The following ASIC2 variants were observed in gnomAD, a reference collection of about 807,000 sequenced individuals.
ASIC2 encodes the protein acid sensing ion channel subunit 2, also known as acid-sensing ion channel 2.
ASIC2 carries 25 observed loss-of-function variants against 57.3 expected under a neutral mutation model. That is an observed-to-expected ratio of 0.44 (90% CI 0.32 to 0.61). ASIC2 has a LOEUF of 0.61. Among genes scored for constraint, ASIC2 ranks in the 20% least tolerant of loss-of-function variants. ASIC2 has a pLI of 0.06. For synonymous variants in ASIC2, 319 were observed against 307.5 expected, an observed-to-expected ratio of 1.04 and a Z score of -0.39; for missense variants, 641 against 738.1, an observed-to-expected ratio of 0.87 and a Z score of 1.52.
At chr17:34,099,522 AAG>A (rs779241676) in intron 1 of ASIC2, among the ~76,000 whole-genome samples, 18 of 140,560 alleles carry the variant, frequency 1.3e-4, no homozygotes, top group Non-Finnish European at 2.1e-4. Flanking sequence ...GAGAAAGAAA[AAG>A]AAAGAAAGAA....
intron 1 of ASIC2, among the ~76,000 whole-genome samples, chr17:34,091,764 T>C (rs1910339129): frequency 6.6e-6 from 1 of 152,242 alleles, no homozygotes; most frequent in South Asian, 2.1e-4. Context: ...ATTGAGAGCT[T>C]GTCAGTTGAC....
intron 1 of ASIC2, among the ~76,000 whole-genome samples, chr17:34,109,795 G>A (rs1911201387): frequency 1.3e-5 from 2 of 152,078 alleles, no homozygotes; most frequent in African/African-American, 4.8e-5. Context: ...AAAATTTGGA[G>A]GCATGATTTT....
intron 3 of ASIC2, among the ~76,000 whole-genome samples, chr17:33,077,875 A>G (rs1056839024): frequency 1.3e-5 from 2 of 152,184 alleles, no homozygotes; most frequent in Non-Finnish European, 2.9e-5. Flanking sequence ...ATTATAGTTG[A>G]TATTTCTAAA....
chr17:33,413,977 G>A (rs569441073), intron 1 of ASIC2, among the ~76,000 whole-genome samples: 1 of 152,180 alleles, frequency 6.6e-6, no homozygotes, highest in South Asian at 2.1e-4. Context: ...GGGGAAGGCA[G>A]GCAAGTTGCC....
chr17:33,029,760 A>G (rs1471716611), intron 3 of ASIC2, among the ~76,000 whole-genome samples: 1 of 152,216 alleles, frequency 6.6e-6, no homozygotes, highest in Non-Finnish European at 1.5e-5. Flanking sequence ...GTAGTGTCTG[A>G]GAATTCTCAT....
chr17:33,244,024 C>A (rs910652156), intron 1 of ASIC2, among the ~76,000 whole-genome samples: 1 of 152,150 alleles, frequency 6.6e-6, no homozygotes, highest in Non-Finnish European at 1.5e-5. Context: ...TCCCCCAGCC[C>A]GCTTCTATAT....
At chr17:33,727,080 A>C (rs1433110985) in intron 1 of ASIC2, among the ~76,000 whole-genome samples, 1 of 152,186 alleles carries the variant, frequency 6.6e-6, no homozygotes. Context: ...TGAATACCAA[A>C]ACCAACTACA....
chr17:33,368,739 G>A (rs1908924014), intron 1 of ASIC2, among the ~76,000 whole-genome samples: 1 of 151,902 alleles, frequency 6.6e-6, no homozygotes, highest in Non-Finnish European at 1.5e-5. Flanking sequence ...TGCTTCTTTG[G>A]CCACCATCTT....
At chr17:33,779,822 C>T (rs1158951884) in intron 1 of ASIC2, among the ~76,000 whole-genome samples, 1 of 152,076 alleles carries the variant, frequency 6.6e-6, no homozygotes, top group African/African-American at 2.4e-5. Flanking sequence ...ATTTAATCTT[C>T]GCACAACCCT....
intron 1 of ASIC2, among the ~76,000 whole-genome samples, chr17:33,442,764 C>G (rs1209102610): frequency 6.6e-6 from 1 of 151,834 alleles, no homozygotes; most frequent in Non-Finnish European, 1.5e-5. Flanking sequence ...CTGTGCACTG[C>G]TAATTTCTTT....
At chr17:33,148,479 T>C (rs3930348) in intron 1 of ASIC2, among the ~76,000 whole-genome samples, 47,099 of 152,044 alleles carry the variant, frequency 0.31, 7,652 homozygotes, top group African/African-American at 0.4. Flanking sequence ...TATCAATGCA[T>C]CATTTCCAAA....
chr17:33,540,359 A>G (rs1420119067), intron 1 of ASIC2, among the ~76,000 whole-genome samples: 2 of 152,166 alleles, frequency 1.3e-5, no homozygotes, highest in African/African-American at 4.8e-5. Flanking sequence ...CTATTTCCAA[A>G]TAAGCTCACA....
intron 1 of ASIC2, among the ~76,000 whole-genome samples, chr17:34,104,795 G>T (rs1054601240): frequency 6.6e-6 from 1 of 150,560 alleles, no homozygotes; most frequent in Non-Finnish European, 1.5e-5. Context: ...AACCAAACTT[G>T]TATTCCTGAG....
intron 1 of ASIC2, among the ~76,000 whole-genome samples, chr17:34,061,199 T>C (rs1908957864): frequency 6.6e-6 from 1 of 152,168 alleles, no homozygotes; most frequent in South Asian, 2.1e-4. Flanking sequence ...ATCTTTAGCC[T>C]CCTCAAACAA....
At chr17:33,300,651 C>T (rs1028512493) in intron 1 of ASIC2, among the ~76,000 whole-genome samples, 6 of 152,180 alleles carry the variant, frequency 3.9e-5, no homozygotes, top group Admixed American at 2.0e-4. Flanking sequence ...TTATAACACA[C>T]GCAATTGAAT....
rs1383316268 is a variant in ASIC2 at position 33,292,251 on chromosome 17, GA to G, written c.-137del. ...CGCCAGGGAAGCGTGCGCCCGAAAGGAGCTCCGGTGGCGCGGCATGCCCGCC... is the reference window on the plus strand; with the variant it reads ...CGCCAGGGAAGCGTGCGCCCGAAAGGGCTCCGGTGGCGCGGCATGCCCGCC... On this transcript the variant is annotated 5_prime_UTR_variant, in exon 1 of 10. It introduces an in-frame stop codon into an upstream open reading frame of the 5' UTR. Transcript: ENST00000225823. 4.0e-6 allele frequency: 4 copies of G among 994,244 alleles called. No homozygotes were observed. The highest frequency in any genetic ancestry group is 4.8e-6 in the Non-Finnish European group (4 of 837,500). 61.6% of individuals were successfully genotyped at this position (994,244 alleles called of 1,614,324 possible).
chr17:33,936,930 A>T (rs531327564), intron 1 of ASIC2: 1 of 152,320 alleles, frequency 6.6e-6, no homozygotes, highest in Non-Finnish European at 1.5e-5. Flanking sequence ...AGTGCCTGGG[A>T]GGTAGCACAC....
chr17:33,476,648 G>T (rs1191418854), intron 1 of ASIC2, among the ~76,000 whole-genome samples: 1 of 151,590 alleles, frequency 6.6e-6, no homozygotes, highest in African/African-American at 2.4e-5. Flanking sequence ...TTCCAAGAGG[G>T]GGTGCAGCTG....
chr17:34,005,953 T>C (rs1435713887), intron 1 of ASIC2: 3 of 152,218 alleles, frequency 2.0e-5, no homozygotes, highest in Non-Finnish European at 4.4e-5. Flanking sequence ...TTTCCACATA[T>C]GCGTATGCCA....
Sources: allele counts gnomAD v4.1 joint callset (sites outside exome capture counted in the v4.1 genomes callset), GRCh38; gene constraint gnomAD v4.1.1; transcripts MANE v1.5; gene names NCBI Gene and HGNC (gene_info 2026-07-23, HGNC 2026-07-21).